Variants in PLEKHA7 observed in about 807,000 individuals in gnomAD.
The protein encoded by PLEKHA7 is pleckstrin homology domain-containing family A member 7.
A neutral mutation model predicts 170.0 loss-of-function variants in PLEKHA7; 104 were observed. The observed-to-expected ratio is 0.61, with a 90% CI of 0.52 to 0.72. The LOEUF (loss-of-function observed/expected upper bound fraction) is 0.72, where lower values mean the gene tolerates loss of function less well. Among genes scored for constraint, PLEKHA7 ranks in the 30% least tolerant of loss-of-function variants. PLEKHA7 has a pLI of 0.00. For missense variants in PLEKHA7, 1,615 were observed against 1,671.7 expected (o/e 0.97, Z 0.59); for synonymous variants, 648 against 660.8 (o/e 0.98, Z 0.30).
chr11:16,930,605 G>T (rs919997454), intron 3 of PLEKHA7, among the ~76,000 whole-genome samples: 1 of 152,024 alleles, frequency 6.6e-6, no homozygotes, highest in Non-Finnish European at 1.5e-5. Context: ...AAAATAAAAC[G>T]CATGATTTCC....
intron 3 of PLEKHA7, among the ~76,000 whole-genome samples, chr11:17,002,778 G>T (rs2137053097): frequency 6.6e-6 from 1 of 152,246 alleles, no homozygotes; most frequent in Non-Finnish European, 1.5e-5. Context: ...AGACATCTGT[G>T]CAGACTTCTA....
intron 3 of PLEKHA7, among the ~76,000 whole-genome samples, chr11:17,011,286 CCTT>C (rs1479021110): frequency 6.6e-6 from 1 of 152,168 alleles, no homozygotes; most frequent in African/African-American, 2.4e-5. Context: ...ATCCCTCTCA[CCTT>C]CTTAGAAACA....
At chr11:16,917,337 T>C (rs1041187490) in intron 3 of PLEKHA7, among the ~76,000 whole-genome samples, 3 of 152,240 alleles carry the variant, frequency 2.0e-5, no homozygotes, top group Admixed American at 6.5e-5. Context: ...CTATCTATAT[T>C]AGCTTCCTAT....
chr11:16,943,046 T>C (rs1225126052), intron 3 of PLEKHA7, among the ~76,000 whole-genome samples: 1 of 152,228 alleles, frequency 6.6e-6, no homozygotes, highest in Non-Finnish European at 1.5e-5. Flanking sequence ...GAGCAAACCC[T>C]GTAAACTTTT....
chr11:16,807,081 G>C, intron 13 of PLEKHA7: 2 of 808,696 alleles, frequency 2.5e-6, no homozygotes, highest in Non-Finnish European at 1.5e-6. Flanking sequence ...AAGTGATGAA[G>C]TCGGCACCGA....
chr11:16,794,779 T>G, intron 18 of PLEKHA7, 65 bp from the exon 19 acceptor site: 1 of 1,562,094 alleles, frequency 6.4e-7, no homozygotes, highest in Non-Finnish European at 8.8e-7. Context: ...GGAGGATGAG[T>G]GGAGTAATTT....
At chr11:16,790,754 G>A in intron 21 of PLEKHA7, 44 bp downstream of exon 21, 1 of 1,572,156 alleles carries the variant, frequency 6.4e-7, no homozygotes, top group Non-Finnish European at 8.7e-7. Flanking sequence ...TGGAAGCAGT[G>A]TGGTGGGATT....
At chr11:16,987,390 C>A (rs538606544) in intron 3 of PLEKHA7, among the ~76,000 whole-genome samples, 1 of 152,262 alleles carries the variant, frequency 6.6e-6, no homozygotes, top group South Asian at 2.1e-4. Context: ...GTAAATACAA[C>A]TTTTGCTCCC....
intron 23 of PLEKHA7, chr11:16,788,744 C>CTA: frequency 2.8e-6 from 1 of 353,234 alleles, no homozygotes. Flanking sequence ...CAAATCATGT[C>CTA]ACCATCTTCC....
intron 9 of PLEKHA7, among the ~76,000 whole-genome samples, chr11:16,838,797 C>G (rs1851732548): frequency 6.7e-6 from 1 of 149,174 alleles, no homozygotes; most frequent in Non-Finnish European, 1.5e-5. Context: ...CGCCATTCTC[C>G]TGCCTCAGCC....
intron 3 of PLEKHA7, among the ~76,000 whole-genome samples, chr11:16,921,653 A>G (rs543273884): frequency 6.6e-6 from 1 of 152,330 alleles, no homozygotes; most frequent in African/African-American, 2.4e-5. Context: ...CAACTTCTTC[A>G]TTAATGAAAT....
chr11:16,887,629 C>T (rs561361473), intron 3 of PLEKHA7, among the ~76,000 whole-genome samples: 3 of 152,316 alleles, frequency 2.0e-5, no homozygotes, highest in South Asian at 2.1e-4. Context: ...CTCCTAACCG[C>T]GAGTGATCTG....
At chr11:16,851,162 T>C (rs1370231126) in intron 8 of PLEKHA7, 29 bp downstream of exon 8, 1 of 1,507,882 alleles carries the variant, frequency 6.6e-7, no homozygotes, top group African/African-American at 1.4e-5. Context: ...TTAGACAGAA[T>C]GGCTGCATTA....
intron 3 of PLEKHA7, among the ~76,000 whole-genome samples, chr11:17,010,443 T>C (rs1382067404): frequency 4.0e-5 from 6 of 148,452 alleles, no homozygotes; most frequent in Non-Finnish European, 9.0e-5. Context: ...CTCTGGAGAG[T>C]ATTAAAACAT....
At chr11:16,966,053 C>G (rs1325631051) in intron 3 of PLEKHA7, among the ~76,000 whole-genome samples, 2 of 152,106 alleles carry the variant, frequency 1.3e-5, no homozygotes, top group Non-Finnish European at 2.9e-5. Context: ...AGTGGTGGCG[C>G]GTGCCTATAG....
chr11:16,800,622 A>G (rs992583384), intron 17 of PLEKHA7, among the ~76,000 whole-genome samples: 2 of 152,220 alleles, frequency 1.3e-5, no homozygotes, highest in Non-Finnish European at 2.9e-5. Context: ...CTAAGTGATG[A>G]GCTAGCAGCC....
chr11:16,798,988 T>G (rs1848415739), intron 17 of PLEKHA7, among the ~76,000 whole-genome samples: 1 of 152,214 alleles, frequency 6.6e-6, no homozygotes, highest in African/African-American at 2.4e-5. Context: ...AAGTTTAATT[T>G]CCTTAGACTG....
chr11:16,986,651 T>A (rs1417638219), intron 3 of PLEKHA7, among the ~76,000 whole-genome samples: 2 of 151,840 alleles, frequency 1.3e-5, no homozygotes, highest in Admixed American at 6.6e-5. Flanking sequence ...GGCCCAGGAG[T>A]AGAGAAACCT....
intron 6 of PLEKHA7, 76 bp downstream of exon 6, chr11:16,854,813 C>T (rs1175957029): frequency 1.1e-5 from 14 of 1,329,946 alleles, no homozygotes; most frequent in Middle Eastern, 3.9e-4. Context: ...CCATCCCTAG[C>T]TTCCTGGTGC....
Sources: gnomAD v4.1 joint callset for allele counts (sites outside exome capture counted in the v4.1 genomes callset) on GRCh38, gnomAD v4.1.1 for gene constraint, MANE v1.5 for transcripts, NCBI Gene and HGNC (gene_info 2026-07-23, HGNC 2026-07-21) for gene names.